The following DEK variants were observed in gnomAD, a reference collection of about 807,000 sequenced individuals.
The protein encoded by DEK is DEK proto-oncogene.
A neutral mutation model predicts 46.8 loss-of-function variants in DEK; 28 were observed. The observed-to-expected ratio is 0.60, with a 90% CI of 0.44 to 0.82. DEK has a LOEUF of 0.82. Among genes scored for constraint, DEK ranks in the 40% least tolerant of loss-of-function variants. DEK has a pLI of 0.00. For missense variants in DEK, 416 were observed against 430.6 expected (o/e 0.97, Z 0.30); for synonymous variants, 160 against 144.5 (o/e 1.11, Z -0.77).
Position 18,263,859 on chromosome 6 carries a change from CTCCTCCTCGTCGTCCTCGTCCTCT to C in DEK, c.105_128del (p.Asp37_Glu44del), listed in dbSNP as rs758882186. The C allele has an allele frequency of 2.5e-6, 4 of 1,612,816 alleles. No individual in the cohort carries two copies. The highest frequency in any genetic ancestry group is 1.7e-5 in the Admixed American group (1 of 59,826). On this transcript the variant is annotated inframe_deletion, in exon 2 of 11. Coordinates refer to ENST00000652689, the MANE Select transcript of DEK (RefSeq NM_003472.4). ...TCCCCCCACCTTTTTCCTCCTCCTC[CTCCTCCTCGTCGTCCTCGTCCTCT>C]TCCTCCTCGCTCTCCTCTCTGGGAC... is the stretch of plus-strand genomic sequence containing the variant.
chr6:18,236,517 T>C lies in DEK; in HGVS notation c.982A>G (p.Thr328Ala). ...KPPTDEELKE[T>A]IKKLLASANL... ...GCACTGGCCAGTAATTTCTTTATTG[T>C]TTCCTTTAACTCTTCATCTGTAGGG... The change falls in exon 9 of 11, where the codon ACA (threonine) becomes GCA (alanine). Residue 328 changes from threonine to alanine, a missense_variant. By Grantham distance (58) the Thr-to-Ala change is moderately conservative. Coordinates refer to ENST00000652689, the MANE Select transcript of DEK (RefSeq NM_003472.4). The C allele has an allele frequency of 1.2e-6, 2 of 1,606,442 alleles. No individual in the cohort carries two copies. Among genetic ancestry groups the C allele is most frequent in the Non-Finnish European group, 1.7e-6 (2 of 1,177,804 alleles).
rs745698800 is a variant in DEK at position 18,237,386 on chromosome 6, T to C, written c.893A>G (p.Lys298Arg). 6.3e-7 allele frequency: 1 copy of C among 1,590,438 alleles called. No individual in the cohort carries two copies. Among genetic ancestry groups the C allele is most frequent in the South Asian group, 1.1e-5 (1 of 87,384 alleles). ...STTKKNQNSS[K>R]KESESEDSSD... ...TAATGTTATTTCTAACATACCTTTT[T>C]TGGAACTGTTTTGATTCTTCTTGGT... Residue 298 changes from lysine (K) to arginine (R), a missense_variant, in exon 8 of 11, where the codon AAA (lysine) becomes AGA (arginine). Lys to Arg is a conservative substitution (Grantham distance 26). Coordinates refer to ENST00000652689, the MANE Select transcript of DEK (RefSeq NM_003472.4).
chr6:18,250,293 C>A (rs549266713), intron 6 of DEK, among the ~76,000 whole-genome samples: 1 of 152,146 alleles, frequency 6.6e-6, no homozygotes, highest in Admixed American at 6.5e-5. Flanking sequence ...CACGGTGAAA[C>A]CCCGTCTCTA....
chr6:18,258,079 AT>A lies in DEK; in HGVS notation c.248-18del. On this transcript the variant is annotated intron_variant, in intron 3 of 10. Transcript: ENST00000652689. ...GCCCCTTTCCTGGGGAAAAAAAAAA[AT>A]CACAATTAAATACCTATGGCTTACT... The A allele has an allele frequency of 6.7e-7, 1 of 1,496,998 alleles. No individual in the cohort carries two copies. The highest frequency in any genetic ancestry group is 9.1e-7 in the Non-Finnish European group (1 of 1,093,178). The allele number at this position is 1,496,998 out of a possible 1,614,324, so 92.7% of individuals were successfully genotyped here.
At chr6:18,240,156 T>C (rs963051674) in intron 7 of DEK, among the ~76,000 whole-genome samples, 7 of 152,324 alleles carry the variant, frequency 4.6e-5, no homozygotes, top group African/African-American at 1.4e-4. Context: ...AAATTGTGAG[T>C]AGTGACAGTT....
At chr6:18,263,041 G>A (rs1259938398) in intron 2 of DEK, among the ~76,000 whole-genome samples, 1 of 152,168 alleles carries the variant, frequency 6.6e-6, no homozygotes, top group Non-Finnish European at 1.5e-5. Flanking sequence ...AGAATGCTAA[G>A]AGATGCGACT....
At chr6:18,264,147 G>A (rs1284855217) in intron 1 of DEK, 151 bp from the exon 2 acceptor site, 5 of 618,986 alleles carry the variant, frequency 8.1e-6, no homozygotes, top group Middle Eastern at 4.6e-4. Context: ...TCAGTCCCCA[G>A]GGGCGGCTTC....
intron 1 of DEK, 142 bp downstream of exon 1, chr6:18,264,243 T>TGCGCTGTTCCCGGCCC (rs1561996891): frequency 3.7e-6 from 1 of 273,338 alleles, no homozygotes; most frequent in African/African-American, 2.2e-5. Flanking sequence ...CCGCCCGGCC[T>TGCGCTGTTCCCGGCCC]GCGCTGTTCC....
In DEK at chr6:18,224,490, A is replaced by G. The variant is rs1024245263; in HGVS notation, c.*1229T>C. The G allele has an allele frequency of 5.0e-6, 1 of 200,774 alleles. No homozygotes were observed. The highest frequency in any genetic ancestry group is 1.0e-5 in the Non-Finnish European group (1 of 97,448). 12.4% of individuals were successfully genotyped at this position (200,774 alleles called of 1,614,324 possible). ...AAACTGATTTAAGACAGTAAATTTG[A>G]AAGACAAAATTAAGTCTCATTCAGG... On this transcript the variant is annotated 3_prime_UTR_variant, in exon 11 of 11. Transcript: ENST00000652689.
At chr6:18,226,062 G>C in intron 10 of DEK, 112 bp downstream of exon 10, 1 of 935,368 alleles carries the variant, frequency 1.1e-6, no homozygotes. Context: ...AGAAATGTGA[G>C]GATCAAATGT....
intron 4 of DEK, 75 bp from the exon 5 acceptor site, chr6:18,256,530 A>T: frequency 8.0e-7 from 1 of 1,253,644 alleles, no homozygotes; most frequent in African/African-American, 1.5e-5. Context: ...AGCCAATTCA[A>T]AGTCAACATC....
chr6:18,236,659 G>A lies in DEK; in HGVS notation c.899-59C>T. The A allele has an allele frequency of 2.5e-6, 3 of 1,201,490 alleles. No homozygotes were observed. The South Asian group carries it at 5.7e-5, about 23-fold the overall frequency. 74.4% of individuals were successfully genotyped at this position (1,201,490 alleles called of 1,614,324 possible). A position where few individuals can be genotyped will look rare whatever the true frequency, so the allele number is the denominator to read the frequency against. ...CATAGTAAATTAACATTTAACAAAG[G>A]CTGAGATGAATTTTAAGCTTTCAAC... is the stretch of plus-strand genomic sequence containing the variant. On this transcript the variant is annotated intron_variant, in intron 8 of 10. Coordinates refer to ENST00000652689, the MANE Select transcript of DEK (RefSeq NM_003472.4).
At chr6:18,229,678 A>T (rs1317409351) in intron 9 of DEK, among the ~76,000 whole-genome samples, 2 of 152,186 alleles carry the variant, frequency 1.3e-5, no homozygotes, top group African/African-American at 4.8e-5. Context: ...AGTCTGGAGA[A>T]AAAAGAGTAA....
chr6:18,238,401 A>G (rs967531514), intron 7 of DEK, among the ~76,000 whole-genome samples: 3 of 152,024 alleles, frequency 2.0e-5, no homozygotes, highest in African/African-American at 7.2e-5. Flanking sequence ...ATAAATATGG[A>G]TAGATTAAAA....
Position 18,254,941 on chromosome 6 carries a change from C to T in DEK, c.573+790G>A, listed in dbSNP as rs1220905034. On this transcript the variant is annotated intron_variant, in intron 6 of 10. Transcript: ENST00000652689. ...ACCAAGGGCGGACGAAAACGAAGTC[C>T]TAGAGCTATTTTCTGGTTTTGATTA... Among the ~76,000 whole-genome samples the T allele has an allele frequency of 2.0e-5, 3 of 152,080 alleles. No homozygotes were observed. The East Asian group carries it at 5.8e-4, about 29-fold the overall frequency.
At chr6:18,227,265 T>C (rs1790178560) in intron 9 of DEK, among the ~76,000 whole-genome samples, 1 of 152,014 alleles carries the variant, frequency 6.6e-6, no homozygotes, top group Admixed American at 6.6e-5. Flanking sequence ...CAATGGAATG[T>C]CTCGGTATAA....
chr6:18,245,667 T>C (rs542427004), intron 7 of DEK, among the ~76,000 whole-genome samples: 6 of 152,240 alleles, frequency 3.9e-5, no homozygotes, highest in Non-Finnish European at 4.4e-5. Context: ...TTCCCCCTTT[T>C]TTCTGTACTC....
intron 7 of DEK, among the ~76,000 whole-genome samples, chr6:18,247,812 A>G (rs1019075054): frequency 1.3e-5 from 2 of 151,960 alleles, no homozygotes; most frequent in African/African-American, 4.8e-5. Context: ...AGCTGGGATT[A>G]TCGGCATGCA....
chr6:18,246,945 A>G (rs1391378221), intron 7 of DEK, among the ~76,000 whole-genome samples: 1 of 152,244 alleles, frequency 6.6e-6, no homozygotes. Flanking sequence ...ATATTAACTC[A>G]CTAATTTCCT....
Sources: allele counts gnomAD v4.1 joint callset (sites outside exome capture counted in the v4.1 genomes callset), GRCh38; gene constraint gnomAD v4.1.1; transcripts MANE v1.5; gene names NCBI Gene and HGNC (gene_info 2026-07-23, HGNC 2026-07-21).